Variants in NRXN2 observed in about 807,000 individuals in gnomAD.
NRXN2 encodes neurexin 2.
NRXN2 carries 29 observed loss-of-function variants against 128.8 expected under a neutral mutation model. That is an observed-to-expected ratio of 0.23 (90% CI 0.17 to 0.31). The LOEUF is 0.31. Ranked by LOEUF, NRXN2 falls within the 10% of genes least tolerant of loss-of-function variation. The probability of loss-of-function intolerance (pLI) is 1.00; values close to 1 mark genes in which losing one functional copy is unlikely to be tolerated. For synonymous variants in NRXN2, 1,098 were observed against 1,075.2 expected (o/e 1.02, Z -0.41); for missense variants, 1,881 against 2,452.6 (o/e 0.77, Z 4.92).
At chr11:64,653,863 C>G in intron 11 of NRXN2, 141 bp from the exon 12 acceptor site, 1 of 639,866 alleles carries the variant, frequency 1.6e-6, no homozygotes, top group Admixed American at 2.6e-5. Context: ...CCACGCGTGC[C>G]CAGGTGCCCT....
At chr11:64,687,041 C>A (rs2053154936) in intron 5 of NRXN2, among the ~76,000 whole-genome samples, 1 of 152,198 alleles carries the variant, frequency 6.6e-6, no homozygotes, top group South Asian at 2.1e-4. Context: ...CTGGGCTCTA[C>A]CAGTGGCTCA....
At chr11:64,628,207 T>C (rs1270389755) in intron 19 of NRXN2, among the ~76,000 whole-genome samples, 1 of 152,188 alleles carries the variant, frequency 6.6e-6, no homozygotes, top group East Asian at 1.9e-4. Context: ...ACAGTATTGC[T>C]ATGAGGTAGG....
Position 64,642,490 on chromosome 11 carries a change from C to A in NRXN2, c.3403+5729G>T, listed in dbSNP as rs778357136. ...GCCCAGCTGCGCACACGGGAAGCGC[C>A]CCCCGCCCCCGGGCCAACCGGGTGG... On this transcript the variant is annotated intron_variant, in intron 17 of 22. Transcript: ENST00000265459. 6.4e-6 allele frequency: 10 copies of A among 1,568,062 alleles called. No homozygotes were observed. In the East Asian group the frequency reaches 2.2e-4, roughly 34 times the overall value.
chr11:64,627,653 T>TG (rs2043267383), intron 19 of NRXN2, among the ~76,000 whole-genome samples: 1 of 152,030 alleles, frequency 6.6e-6, no homozygotes, highest in South Asian at 2.1e-4. Flanking sequence ...TGTGTGTGAA[T>TG]GTGTGTGTGT....
At chr11:64,715,870 G>C (rs1349969834) in intron 1 of NRXN2, among the ~76,000 whole-genome samples, 1 of 152,152 alleles carries the variant, frequency 6.6e-6, no homozygotes, top group Non-Finnish European at 1.5e-5. Flanking sequence ...ACATGTGCGG[G>C]CTAATTAGCC....
chr11:64,707,853 G>A (rs1281304630), intron 2 of NRXN2, among the ~76,000 whole-genome samples: 10 of 152,066 alleles, frequency 6.6e-5, no homozygotes, highest in Admixed American at 6.5e-5. Context: ...CAACACTTTG[G>A]GAGGCCAAGG....
At position 64,607,976 on chromosome 11, in the gene NRXN2, G is replaced by T; in HGVS notation, c.4359C>A (p.Leu1453=). 1.3e-6 allele frequency: 2 copies of T among 1,539,262 alleles called. No individual in the cohort carries two copies. Among genetic ancestry groups the T allele is most frequent in the Non-Finnish European group, 1.7e-6 (2 of 1,143,400 alleles). The change falls in exon 23 of 23, where the codon CTC becomes CTA. Residue 1453 remains leucine, a synonymous_variant. Coordinates refer to ENST00000265459, the MANE Select transcript of NRXN2 (RefSeq NM_015080.4). ...TGTCTTGGGTGGCGCCCACTCCCGT[G>T]AGGAAGGGGTAGAAGGTAGGGGGCG... ...VPPPPTFYPF[L]TGVGATQDTL...
Position 64,622,689 on chromosome 11 carries a change from T to C in NRXN2, c.4173+64A>G. Reference sequence around the variant, plus strand: ...ACTCTAGGCACCACTACTGTGGCTATGCAGATATCAACCCCATCCCCACCT... The same window carrying C: ...ACTCTAGGCACCACTACTGTGGCTACGCAGATATCAACCCCATCCCCACCT... On this transcript the variant is annotated intron_variant, in intron 21 of 22. Transcript: ENST00000265459. The surrounding 1 kb of genome is among the most constrained non-coding windows in gnomAD (Gnocchi z 4.3). 6.4e-7 allele frequency: 1 copy of C among 1,560,382 alleles called. No homozygotes were observed. Among genetic ancestry groups the C allele is most frequent in the African/African-American group, 1.3e-5 (1 of 74,572 alleles).
In NRXN2 at chr11:64,653,710, A is replaced by ACGCCAGG; in HGVS notation, c.2401_2402insCCTGGCG (p.Val801AlafsTer9). 6.3e-7 allele frequency: 1 copy of ACGCCAGG among 1,592,512 alleles called. No individual in the cohort carries two copies. ...AAGCCACTTACTGGGTGCGCAGCCG[A>ACGCCAGG]CGCGCAGGCAGTCTGGGGGGGCCAT... On this transcript the variant is annotated frameshift_variant, in exon 12 of 23. Coordinates refer to ENST00000265459, the MANE Select transcript of NRXN2 (RefSeq NM_015080.4). LOFTEE classifies it high-confidence loss of function.
At chr11:64,633,992 T>C (rs1284316025) in intron 18 of NRXN2, among the ~76,000 whole-genome samples, 1 of 152,118 alleles carries the variant, frequency 6.6e-6, no homozygotes, top group East Asian at 1.9e-4. Flanking sequence ...CTTCACACCC[T>C]GGTGTTGGGG....
intron 9 of NRXN2, 127 bp from the exon 10 acceptor site, chr11:64,661,266 G>A (rs1464539097): frequency 1.0e-5 from 16 of 1,551,630 alleles, no homozygotes; most frequent in Non-Finnish European, 1.4e-5. Context: ...GGCTCAGGAG[G>A]ACGAGCAGCA....
chr11:64,712,814 A>C, intron 2 of NRXN2, 156 bp downstream of exon 2: 1 of 715,218 alleles, frequency 1.4e-6, no homozygotes. Context: ...TCGCCCGGAC[A>C]CGCGTCCCCG....
chr11:64,640,701 A>C (rs1216636105), intron 17 of NRXN2, among the ~76,000 whole-genome samples: 2 of 152,190 alleles, frequency 1.3e-5, no homozygotes, highest in Non-Finnish European at 2.9e-5. Context: ...GGATGAGAGA[A>C]TAAAAGAATG....
chr11:64,642,991 G>A, intron 17 of NRXN2: 1 of 1,011,464 alleles, frequency 9.9e-7, no homozygotes, highest in East Asian at 1.0e-4. Flanking sequence ...GGAAATCGGG[G>A]GTCCGCGGAG....
intron 17 of NRXN2, among the ~76,000 whole-genome samples, chr11:64,645,103 T>A (rs1274481743): frequency 1.3e-5 from 2 of 152,138 alleles, no homozygotes; most frequent in African/African-American, 2.4e-5. Context: ...AGAGACTGCA[T>A]GCCAGGAGCA....
At chr11:64,721,482 C>T (rs2057430953) in intron 1 of NRXN2, among the ~76,000 whole-genome samples, 1 of 152,014 alleles carries the variant, frequency 6.6e-6, no homozygotes, top group Admixed American at 6.5e-5. Flanking sequence ...CCAGACCCTT[C>T]TCCCCTGTCT....
At position 64,623,695 on chromosome 11, in the gene NRXN2, C is replaced by T; in HGVS notation, c.3848-617G>A. On this transcript the variant is annotated intron_variant, in intron 20 of 22. Coordinates refer to ENST00000265459, the MANE Select transcript of NRXN2 (RefSeq NM_015080.4). The surrounding 1 kb of genome is among the most constrained non-coding windows in gnomAD (Gnocchi z 4.9). ...ACAACCAGGCCTTCTGACCCCTGGC[C>T]AGGATCCCCTCTCTTCTCCCGGACT... 6.4e-6 allele frequency: 1 copy of T among 155,988 alleles called. No individual in the cohort carries two copies. The highest frequency in any genetic ancestry group is 1.4e-5 in the Non-Finnish European group (1 of 70,356). 9.7% of individuals were successfully genotyped at this position (155,988 alleles called of 1,614,324 possible). A position where few individuals can be genotyped will look rare whatever the true frequency, so the allele number is the denominator to read the frequency against.
intron 9 of NRXN2, 140 bp from the exon 10 acceptor site, chr11:64,661,279 C>G (rs1274654716): frequency 6.5e-7 from 1 of 1,534,530 alleles, no homozygotes; most frequent in East Asian, 2.4e-5. Context: ...GAGCAGCAGT[C>G]CTGGGCTGGA....
chr11:64,630,631 G>C lies in NRXN2; in HGVS notation c.3586-58C>G. 1 of 1,598,846 alleles carries C rather than the reference G, an allele frequency of 6.3e-7. No homozygotes were observed. Among genetic ancestry groups the C allele is most frequent in the South Asian group, 1.1e-5 (1 of 90,398 alleles). ...AGGGAGCAACCATTCATCCCTTCTA[G>C]TGGCTACTCCTGTGACCACCACTAG... On this transcript the variant is annotated intron_variant, in intron 18 of 22. Transcript: ENST00000265459. This position sits in a 1 kb window ranked among gnomAD's most constrained non-coding sequence, Gnocchi z 4.6.
Sources: allele counts gnomAD v4.1 joint callset (sites outside exome capture counted in the v4.1 genomes callset), GRCh38; gene constraint gnomAD v4.1.1; non-coding constraint Gnocchi (gnomAD v3.1); transcripts MANE v1.5; gene names NCBI Gene and HGNC (gene_info 2026-07-23, HGNC 2026-07-21).